The following IFI27L1 variants were observed in gnomAD, a reference collection of about 807,000 sequenced individuals.
The protein encoded by IFI27L1 is interferon alpha-inducible protein 27-like protein 1.
In IFI27L1, 3 loss-of-function variants were observed where a neutral mutation model predicts 9.2. The ratio of observed to expected loss-of-function variants is 0.32; its 90% confidence interval spans 0.15 to 0.84. The LOEUF (loss-of-function observed/expected upper bound fraction) is 0.84, where lower values mean the gene tolerates loss of function less well. IFI27L1 is among the 40% of genes least tolerant of loss of function. IFI27L1 has a pLI of 0.56. For synonymous variants in IFI27L1, 53 were observed against 50.0 expected (o/e 1.06, Z -0.26); for missense variants, 133 against 134.2 (o/e 0.99, Z 0.05).
chr14:94,102,084 C>T, intron 4 of IFI27L1, 109 bp downstream of exon 4: 1 of 1,190,298 alleles, frequency 8.4e-7, no homozygotes, highest in South Asian at 1.3e-5. Flanking sequence ...GCCTCTTGGG[C>T]CCTTTGTCTT....
At chr14:94,095,822 A>G (rs905344727) in intron 1 of IFI27L1, among the ~76,000 whole-genome samples, 6 of 152,242 alleles carry the variant, frequency 3.9e-5, no homozygotes, top group Non-Finnish European at 7.3e-5. Flanking sequence ...TCACATTTCA[A>G]TATGAGATTT....
At chr14:94,084,601 C>T (rs189176863) in intron 1 of IFI27L1, among the ~76,000 whole-genome samples, 5 of 152,112 alleles carry the variant, frequency 3.3e-5, no homozygotes, top group Admixed American at 6.5e-5. Flanking sequence ...TTAAACATTT[C>T]GTGGGGCAGG....
At chr14:94,085,908 T>C (rs1472427864) in intron 1 of IFI27L1, among the ~76,000 whole-genome samples, 1 of 152,224 alleles carries the variant, frequency 6.6e-6, no homozygotes, top group Non-Finnish European at 1.5e-5. Flanking sequence ...TTTCATTTAT[T>C]GTAAAAGTGA....
intron 1 of IFI27L1, among the ~76,000 whole-genome samples, chr14:94,085,452 A>G (rs984111711): frequency 6.6e-6 from 1 of 152,194 alleles, no homozygotes; most frequent in African/African-American, 2.4e-5. Context: ...GACCTTAGCA[A>G]TTCCTTTTGT....
At chr14:94,094,731 C>T (rs1053067812) in intron 1 of IFI27L1, 1 of 152,224 alleles carries the variant, frequency 6.6e-6, no homozygotes, top group Non-Finnish European at 1.5e-5. Context: ...TCTCACTTCA[C>T]TCTGGATTTG....
rs183750787 is a variant in IFI27L1, at chr14:94,087,326, G to A, written c.-52+5877G>A. Among the ~76,000 whole-genome samples the A allele has an allele frequency of 2.0e-5, 3 of 152,336 alleles. No homozygotes were observed. The East Asian group carries it at 5.8e-4, about 29-fold the overall frequency. ...AAGATTGCAATTTTTGCAGATGATA[G>A]TTTTGTTCTCAGGCATACAAAAGCG... is the stretch of plus-strand genomic sequence containing the variant. On this transcript the variant is annotated intron_variant, in intron 1 of 4. Transcript: ENST00000555523.
intron 1 of IFI27L1, among the ~76,000 whole-genome samples, chr14:94,082,167 T>G (rs554171486): frequency 6.6e-6 from 1 of 152,332 alleles, no homozygotes; most frequent in African/African-American, 2.4e-5. Flanking sequence ...GGAGAAAATT[T>G]TAGTGGTTTG....
chr14:94,101,664 CGTT>C, intron 3 of IFI27L1, 147 bp from the exon 4 acceptor site: 2 of 705,252 alleles, frequency 2.8e-6, no homozygotes, highest in South Asian at 3.7e-5. Flanking sequence ...CTGCTTTACA[CGTT>C]GACTGCCCTT....
chr14:94,088,770 T>C (rs1219592160), intron 1 of IFI27L1, among the ~76,000 whole-genome samples: 1 of 152,218 alleles, frequency 6.6e-6, no homozygotes, highest in Non-Finnish European at 1.5e-5. Context: ...TTTTTAAGTG[T>C]CTATTAGTCA....
chr14:94,100,932 C>A lies in IFI27L1; in HGVS notation c.61+161C>A, dbSNP rs370462356. ...ATGGGGACCTTAGAGCAGCAGGAAG[C>A]AAAGCAAAGCCATTAAAGGCACAGG... On this transcript the variant is annotated intron_variant, in intron 3 of 4. Transcript: ENST00000555523. The A allele has an allele frequency of 3.2e-4, 251 of 777,738 alleles. No homozygotes were observed. In the African/African-American group the frequency reaches 3.9e-3, roughly 12 times the overall value. 48.2% of individuals were successfully genotyped at this position (777,738 alleles called of 1,614,324 possible).
chr14:94,088,134 A>C, intron 1 of IFI27L1: 2 of 644,120 alleles, frequency 3.1e-6, no homozygotes, highest in South Asian at 3.5e-5. Flanking sequence ...AAATGACCTG[A>C]ATTGTGCCAA....
At chr14:94,083,246 C>G (rs879613688) in intron 1 of IFI27L1, among the ~76,000 whole-genome samples, 1 of 152,192 alleles carries the variant, frequency 6.6e-6, no homozygotes, top group Admixed American at 6.5e-5. Flanking sequence ...GTGGCAATCT[C>G]GTGAGAAACT....
chr14:94,087,229 T>C (rs1319027409), intron 1 of IFI27L1, among the ~76,000 whole-genome samples: 1 of 152,120 alleles, frequency 6.6e-6, no homozygotes, highest in Non-Finnish European at 1.5e-5. Flanking sequence ...CAGTCTGAGG[T>C]TGGGCAGGTA....
At chr14:94,100,488 C>A in intron 2 of IFI27L1, 1 of 985,374 alleles carries the variant, frequency 1.0e-6, no homozygotes, top group Non-Finnish European at 1.2e-6. Context: ...GGGGGCCCAG[C>A]CACAAGGCTG....
chr14:94,089,074 G>T (rs34697650), intron 1 of IFI27L1: 15,818 of 152,132 alleles, frequency 0.1, 919 homozygotes, highest in Non-Finnish European at 0.13. Flanking sequence ...GGCTAGGCTG[G>T]AGTGCAGTGG....
In IFI27L1 at chr14:94,096,920, G is replaced by T. The variant is rs200424228; in HGVS notation, c.-18G>T. On this transcript the variant is annotated 5_prime_UTR_variant, in exon 2 of 5. Coordinates refer to ENST00000555523, the MANE Select transcript of IFI27L1 (RefSeq NM_206949.3). ...CCAAGAATCCGAGTGGAGGCTCACC[G>T]AGGCGAAGGGGCCAACCATGGGAAA... 1 of 1,613,058 alleles carries T rather than the reference G, an allele frequency of 6.2e-7. No individual in the cohort carries two copies.
Position 94,084,602 on chromosome 14 carries a change from G to A in IFI27L1, c.-52+3153G>A, listed in dbSNP as rs150471577. Among the ~76,000 whole-genome samples the A allele has an allele frequency of 2.9e-3, 439 of 152,200 alleles. 3 individuals are homozygous for A. Among genetic ancestry groups the A allele is most frequent in the African/African-American group, 0.01 (416 of 41,514 alleles). The stretch of plus-strand genomic sequence containing the variant: ...AGTCAAGCTACCTTTTAAACATTTC[G>A]TGGGGCAGGGGGAGATTTGTGCAGT... On this transcript the variant is annotated intron_variant, in intron 1 of 4. Coordinates refer to ENST00000555523, the MANE Select transcript of IFI27L1 (RefSeq NM_206949.3).
intron 1 of IFI27L1, among the ~76,000 whole-genome samples, chr14:94,084,300 A>G (rs1886207594): frequency 6.6e-6 from 1 of 152,146 alleles, no homozygotes; most frequent in African/African-American, 2.4e-5. Context: ...TCAGGAGTTC[A>G]AGATCAGCCC....
At chr14:94,088,133 G>A in intron 1 of IFI27L1, 1 of 643,584 alleles carries the variant, frequency 1.6e-6, no homozygotes, top group South Asian at 1.8e-5. Flanking sequence ...CAAATGACCT[G>A]AATTGTGCCA....
Sources: gnomAD v4.1 joint callset for allele counts (sites outside exome capture counted in the v4.1 genomes callset) on GRCh38, gnomAD v4.1.1 for gene constraint, MANE v1.5 for transcripts, NCBI Gene and HGNC (gene_info 2026-07-23, HGNC 2026-07-21) for gene names.